Variants in CDYL2 observed in about 807,000 individuals in gnomAD.
CDYL2 encodes the protein chromodomain Y-like protein 2.
CDYL2 carries 23 observed loss-of-function variants against 49.4 expected under a neutral mutation model. The observed-to-expected ratio is 0.47, with a 90% CI of 0.34 to 0.66. The LOEUF (loss-of-function observed/expected upper bound fraction) is 0.66. Among genes scored for constraint, CDYL2 ranks in the 30% least tolerant of loss-of-function variants. CDYL2 has a pLI of 0.01. For synonymous variants in CDYL2, 360 were observed against 268.8 expected (o/e 1.34, Z -3.32); for missense variants, 678 against 656.4 (o/e 1.03, Z -0.36).
At chr16:80,677,241 G>C (rs1332768724) in intron 2 of CDYL2, among the ~76,000 whole-genome samples, 1 of 152,006 alleles carries the variant, frequency 6.6e-6, no homozygotes, top group Non-Finnish European at 1.5e-5. Flanking sequence ...AAAGTGCTGG[G>C]ATTACAGGCA....
chr16:80,784,209 C>T (rs1425971034), intron 1 of CDYL2, among the ~76,000 whole-genome samples: 2 of 151,722 alleles, frequency 1.3e-5, no homozygotes, highest in Non-Finnish European at 3.0e-5. Flanking sequence ...TTTATGGTTT[C>T]CTTTCATTTT....
rs1200008937 is a variant in CDYL2, at chr16:80,601,908, T to C, written c.*2480A>G. The stretch of plus-strand genomic sequence containing the variant: ...GAAATGTTTAGAAGTTTGGATTTGA[T>C]AGTACATCCAAAGCTGAAGCATTTC... On this transcript the variant is annotated 3_prime_UTR_variant, in exon 7 of 7. Coordinates refer to ENST00000570137, the MANE Select transcript of CDYL2 (RefSeq NM_152342.4). 1.3e-5 allele frequency: 2 copies of C among 152,202 alleles called. No individual in the cohort carries two copies. Among genetic ancestry groups the C allele is most frequent in the Non-Finnish European group, 2.9e-5 (2 of 68,040 alleles). 9.4% of individuals were successfully genotyped at this position (152,202 alleles called of 1,614,324 possible).
At chr16:80,633,556 C>A (rs115875683) in intron 2 of CDYL2, among the ~76,000 whole-genome samples, 1,573 of 152,336 alleles carry the variant, frequency 0.01, 32 homozygotes, top group African/African-American at 0.036. Flanking sequence ...AGAGGCAGCC[C>A]TCTCCACTGG....
chr16:80,615,044 G>T (rs958915286), intron 4 of CDYL2, among the ~76,000 whole-genome samples: 24 of 152,072 alleles, frequency 1.6e-4, no homozygotes, highest in Admixed American at 5.2e-4. Context: ...TACGATCTAT[G>T]TAAGTCATCA....
rs1410449564 is a variant in CDYL2 at position 80,608,077 on chromosome 16, G to T, written c.1362+15C>A. Reference sequence around the variant, plus strand: ...CTATCAAAAGGACAAGCACGCAGGAGGCGCAGGAACTCACCACGGCACTGC... The same window carrying T: ...CTATCAAAAGGACAAGCACGCAGGATGCGCAGGAACTCACCACGGCACTGC... On this transcript the variant is annotated intron_variant, in intron 6 of 6. Transcript: ENST00000570137. The T allele has an allele frequency of 6.4e-7, 1 of 1,556,774 alleles. No individual in the cohort carries two copies. Among genetic ancestry groups the T allele is most frequent in the Admixed American group, 1.9e-5 (1 of 52,528 alleles).
At chr16:80,759,742 G>A (rs1401690468) in intron 1 of CDYL2, among the ~76,000 whole-genome samples, 2 of 152,236 alleles carry the variant, frequency 1.3e-5, no homozygotes, top group Non-Finnish European at 2.9e-5. Flanking sequence ...GTCAACACAC[G>A]ACTGCATAAC....
chr16:80,755,147 T>A (rs1906266664), intron 1 of CDYL2, among the ~76,000 whole-genome samples: 1 of 152,146 alleles, frequency 6.6e-6, no homozygotes, highest in South Asian at 2.1e-4. Flanking sequence ...TGCACACATA[T>A]ATTTTAAGAT....
At chr16:80,617,902 C>T (rs1216159568) in intron 4 of CDYL2, among the ~76,000 whole-genome samples, 2 of 152,156 alleles carry the variant, frequency 1.3e-5, no homozygotes, top group African/African-American at 4.8e-5. Context: ...ACCTGAGAAC[C>T]ACCAAGGACG....
chr16:80,781,116 A>G (rs889628058), intron 1 of CDYL2, among the ~76,000 whole-genome samples: 12 of 152,206 alleles, frequency 7.9e-5, no homozygotes, highest in African/African-American at 2.9e-4. Flanking sequence ...TCAATAGGCT[A>G]AAAGTGGCAG....
At chr16:80,781,594 G>T (rs1213936187) in intron 1 of CDYL2, among the ~76,000 whole-genome samples, 1 of 152,078 alleles carries the variant, frequency 6.6e-6, no homozygotes, top group African/African-American at 2.4e-5. Context: ...TTCTTCTCAG[G>T]TACACATGGT....
intron 1 of CDYL2, among the ~76,000 whole-genome samples, chr16:80,716,744 GGATGGATGATA>G (rs1468143528): frequency 1.3e-5 from 2 of 152,038 alleles, no homozygotes; most frequent in Non-Finnish European, 2.9e-5. Context: ...ATGGATCGAT[GGATGGATGATA>G]GATGGATGAC....
intron 1 of CDYL2, among the ~76,000 whole-genome samples, chr16:80,754,902 T>G (rs1033114219): frequency 2.6e-5 from 4 of 152,242 alleles, no homozygotes; most frequent in African/African-American, 9.6e-5. Flanking sequence ...AGGTAGACAT[T>G]TGCTGTTTCA....
At chr16:80,787,552 T>C (rs1049878768) in intron 1 of CDYL2, among the ~76,000 whole-genome samples, 5 of 152,132 alleles carry the variant, frequency 3.3e-5, no homozygotes, top group Admixed American at 2.0e-4. Context: ...CCTAGAAAAT[T>C]CAATGTGAAA....
chr16:80,710,226 C>G (rs541498974), intron 1 of CDYL2, among the ~76,000 whole-genome samples: 2 of 152,090 alleles, frequency 1.3e-5, no homozygotes, highest in African/African-American at 4.8e-5. Flanking sequence ...CATGCCTGGC[C>G]TGGCAGGCTG....
At chr16:80,647,353 A>C (rs999119865) in intron 2 of CDYL2, among the ~76,000 whole-genome samples, 1 of 152,188 alleles carries the variant, frequency 6.6e-6, no homozygotes, top group Non-Finnish European at 1.5e-5. Flanking sequence ...AAATAGAAAA[A>C]AACAAAATTT....
At chr16:80,758,162 A>G (rs1000833798) in intron 1 of CDYL2, among the ~76,000 whole-genome samples, 2 of 152,208 alleles carry the variant, frequency 1.3e-5, no homozygotes, top group Non-Finnish European at 2.9e-5. Flanking sequence ...ATAAATGGGA[A>G]GTAAATGGAT....
At chr16:80,799,528 C>T (rs1438605431) in intron 1 of CDYL2, among the ~76,000 whole-genome samples, 1 of 152,194 alleles carries the variant, frequency 6.6e-6, no homozygotes, top group East Asian at 1.9e-4. Flanking sequence ...CTTCTTTTCA[C>T]CATCTGAGAG....
At chr16:80,639,474 T>G (rs575779423) in intron 2 of CDYL2, among the ~76,000 whole-genome samples, 1 of 152,090 alleles carries the variant, frequency 6.6e-6, no homozygotes, top group Non-Finnish European at 1.5e-5. Context: ...AGTGAAGGGA[T>G]AAACAAACTG....
rs1555532109 is a variant in CDYL2 at position 80,712,191 on chromosome 16, G to GTGTATATATATATATATA, written c.25-27063_25-27062insTATATATATATATATACA. 2.4e-4 allele frequency among the ~76,000 whole-genome samples: 26 copies of GTGTATATATATATATATA among 107,930 alleles called. No homozygotes were observed. In the East Asian group the frequency reaches 2.5e-3, roughly 10 times the overall value. 70.8% of individuals were successfully genotyped at this position (107,930 alleles called of 152,430 possible). On this transcript the variant is annotated intron_variant, in intron 1 of 6. Coordinates refer to ENST00000570137, the MANE Select transcript of CDYL2 (RefSeq NM_152342.4). Reference sequence around the variant, plus strand: ...TATATGTGTCTTTGTGTCTGTGTGTGTATATATATATATATATATATATAT... The same window carrying GTGTATATATATATATATA: ...TATATGTGTCTTTGTGTCTGTGTGTGTGTATATATATATATATATATATATATATATATATATATATAT...
Sources: allele counts gnomAD v4.1 joint callset (sites outside exome capture counted in the v4.1 genomes callset), GRCh38; gene constraint gnomAD v4.1.1; transcripts MANE v1.5; gene names NCBI Gene and HGNC (gene_info 2026-07-23, HGNC 2026-07-21).